Variants in TMPRSS11B observed in about 807,000 individuals in gnomAD.
The protein encoded by TMPRSS11B is transmembrane serine protease 11B, also known as transmembrane protease serine 11B.
In TMPRSS11B, 53 loss-of-function variants were observed where a neutral mutation model predicts 44.7. That is an observed-to-expected ratio of 1.19 (90% CI 0.95 to 1.49). The LOEUF (loss-of-function observed/expected upper bound fraction) is 1.49. TMPRSS11B is among the 40% of genes most tolerant of loss of function. TMPRSS11B has a pLI of 0.00. For missense variants in TMPRSS11B, 526 were observed against 494.8 expected (o/e 1.06, Z -0.60); for synonymous variants, 140 against 159.2 (o/e 0.88, Z 0.91).
At chr4:68,231,707 T>C (rs1291306650) in intron 6 of TMPRSS11B, 1 of 211,014 alleles carries the variant, frequency 4.7e-6, no homozygotes, top group Admixed American at 5.7e-5. Flanking sequence ...GTATATGCAC[T>C]GCTGTCTGTA....
At position 68,229,377 on chromosome 4, in the gene TMPRSS11B, G is replaced by C; in HGVS notation, c.826C>G (p.Leu276Val). Residue 276 changes from leucine (L) to valine (V), a missense_variant, in exon 8 of 10, where the codon CTT becomes GTT. Coordinates refer to ENST00000332644, the MANE Select transcript of TMPRSS11B (RefSeq NM_182502.3). ...TCTGTAAAAGAAACTTCTTCAGCAA[G>C]CTGCACAAGGGCAATATCATCATGA... ...GLHDDIALVQ[L>V]AEEVSFTEYI... 6.2e-7 allele frequency: 1 copy of C among 1,614,052 alleles called. No individual in the cohort carries two copies. The highest frequency in any genetic ancestry group is 8.5e-7 in the Non-Finnish European group (1 of 1,179,980).
chr4:68,228,995 C>G (rs1486679733), intron 8 of TMPRSS11B, 111 bp from the exon 9 acceptor site: 2 of 1,201,422 alleles, frequency 1.7e-6, no homozygotes, highest in Non-Finnish European at 2.3e-6. Flanking sequence ...TCAGGCCAGT[C>G]CCAGGTTAGA....
chr4:68,235,326 C>G (rs1443106511), intron 4 of TMPRSS11B, among the ~76,000 whole-genome samples: 2 of 152,084 alleles, frequency 1.3e-5, no homozygotes, highest in Non-Finnish European at 2.9e-5. Context: ...TTTTGTTTGT[C>G]TGTAGGTAAG....
At position 68,234,481 on chromosome 4, in the gene TMPRSS11B, C is replaced by T. The variant is rs550172775; in HGVS notation, c.451G>A (p.Ala151Thr). ...NNMASWNAVP[A>T]SIKLMEISKA... ...CAAATACCCATGAGTTTAATGGAAG[C>T]AGGAACTGCATTCCAGGATGCCATG... The change falls in exon 5 of 10, where the codon GCT becomes ACT. Residue 151 changes from alanine to threonine, a missense_variant. Transcript: ENST00000332644. 8.1e-6 allele frequency: 13 copies of T among 1,613,732 alleles called. No homozygotes were observed. The South Asian group carries it at 1.4e-4, about 18-fold the overall frequency.
At position 68,228,057 on chromosome 4, in the gene TMPRSS11B, G is replaced by A; in HGVS notation, c.1105C>T (p.Pro369Ser). 6.3e-7 allele frequency: 1 copy of A among 1,598,646 alleles called. No individual in the cohort carries two copies. Among genetic ancestry groups the A allele is most frequent in the Non-Finnish European group, 8.5e-7 (1 of 1,176,166 alleles). ...TTTCTGGAATCAGGGTAAGCTAGTG[G>A]TCCACCAGAATCATTCTAGAAGAAG... ...ADACQNDSGG[P>S]LAYPDSRNIW... Residue 369 changes from proline (P) to serine (S), a missense_variant, in exon 10 of 10, where the codon CCA (proline) becomes TCA (serine). Transcript: ENST00000332644.
At chr4:68,235,822 A>C (rs980586484) in intron 4 of TMPRSS11B, among the ~76,000 whole-genome samples, 180 bp downstream of exon 4, 1 of 151,982 alleles carries the variant, frequency 6.6e-6, no homozygotes, top group Non-Finnish European at 1.5e-5. Context: ...TTCATGGAGA[A>C]CTTGATCTTT....
intron 4 of TMPRSS11B, 101 bp downstream of exon 4, chr4:68,235,901 T>C (rs1719648805): frequency 1.7e-6 from 1 of 595,700 alleles, no homozygotes; most frequent in African/African-American, 1.9e-5. Context: ...TTTCTCTTTT[T>C]CTTTATGTTT....
At chr4:68,228,968 C>T in intron 8 of TMPRSS11B, 84 bp from the exon 9 acceptor site, 1 of 1,437,074 alleles carries the variant, frequency 7.0e-7, no homozygotes. Context: ...AAAGCAGACT[C>T]TCTTGGTCAC....
chr4:68,241,913 T>C, intron 1 of TMPRSS11B, 109 bp from the exon 2 acceptor site: 1 of 665,668 alleles, frequency 1.5e-6, no homozygotes, highest in Non-Finnish European at 2.7e-6. Flanking sequence ...TAGTCCTTTA[T>C]GCTAGCTGAA....
chr4:68,237,395 A>G (rs755051629), intron 2 of TMPRSS11B, among the ~76,000 whole-genome samples: 4 of 152,140 alleles, frequency 2.6e-5, no homozygotes, highest in Non-Finnish European at 4.4e-5. Flanking sequence ...GCTGCAATAA[A>G]CATAAGGGTG....
At chr4:68,239,143 G>A (rs935591485) in intron 2 of TMPRSS11B, among the ~76,000 whole-genome samples, 2 of 152,198 alleles carry the variant, frequency 1.3e-5, no homozygotes, top group African/African-American at 4.8e-5. Context: ...TGTATTTGGA[G>A]ACATGATCTT....
intron 2 of TMPRSS11B, among the ~76,000 whole-genome samples, chr4:68,241,450 C>T (rs1001312896): frequency 2.6e-5 from 4 of 152,056 alleles, no homozygotes; most frequent in Non-Finnish European, 5.9e-5. Flanking sequence ...TGAATATTGA[C>T]ATCAAAGCAT....
chr4:68,234,229 C>A (rs1452819898), intron 5 of TMPRSS11B, among the ~76,000 whole-genome samples: 2 of 151,968 alleles, frequency 1.3e-5, no homozygotes, highest in Admixed American at 6.6e-5. Flanking sequence ...ATAGCCAAAC[C>A]CTTCCAAACT....
At chr4:68,235,944 G>T in intron 4 of TMPRSS11B, 58 bp downstream of exon 4, 9 of 944,054 alleles carry the variant, frequency 9.5e-6, no homozygotes, top group Middle Eastern at 3.6e-4. Context: ...TAAAATCAAG[G>T]TTGTATGATA....
At chr4:68,235,957 T>A (rs1195554322) in intron 4 of TMPRSS11B, 45 bp downstream of exon 4, 3 of 1,184,492 alleles carry the variant, frequency 2.5e-6, no homozygotes, top group South Asian at 3.2e-5. Context: ...GTATGATATA[T>A]CACCTACTTT....
chr4:68,238,095 A>G (rs1179207711), intron 2 of TMPRSS11B, among the ~76,000 whole-genome samples: 1 of 152,198 alleles, frequency 6.6e-6, no homozygotes, highest in Non-Finnish European at 1.5e-5. Context: ...CTGTATTTTG[A>G]GAGCAATTGT....
intron 2 of TMPRSS11B, among the ~76,000 whole-genome samples, chr4:68,239,470 G>T (rs906128151): frequency 6.6e-6 from 1 of 152,114 alleles, no homozygotes; most frequent in African/African-American, 2.4e-5. Context: ...CCAAGATTGT[G>T]AAAAAATGTC....
chr4:68,244,399 C>A (rs1054470954), intron 1 of TMPRSS11B, among the ~76,000 whole-genome samples: 5 of 152,204 alleles, frequency 3.3e-5, no homozygotes, highest in African/African-American at 1.2e-4. Flanking sequence ...CCGAGGCAGG[C>A]GGATCACTTG....
Position 68,245,642 on chromosome 4 carries a change from A to G in TMPRSS11B, c.-84T>C, listed in dbSNP as rs763186388. 8 of 1,516,814 alleles carry G rather than the reference A, an allele frequency of 5.3e-6. No homozygotes were observed. The highest frequency in any genetic ancestry group is 7.3e-6 in the Non-Finnish European group (8 of 1,093,234). 94.0% of individuals were successfully genotyped at this position (1,516,814 alleles called of 1,614,324 possible). A position where few individuals can be genotyped will look rare whatever the true frequency, so the allele number is the denominator to read the frequency against. On this transcript the variant is annotated 5_prime_UTR_variant, in exon 1 of 10. Coordinates refer to ENST00000332644, the MANE Select transcript of TMPRSS11B (RefSeq NM_182502.3). ...TAACGATAACGATGACAATGCTGGT[A>G]ATAGTGATGACAAAAGTTAGAACCT...
Sources: gnomAD v4.1 joint callset for allele counts (sites outside exome capture counted in the v4.1 genomes callset) on GRCh38, gnomAD v4.1.1 for gene constraint, MANE v1.5 for transcripts, NCBI Gene and HGNC (gene_info 2026-07-23, HGNC 2026-07-21) for gene names.